TNKS: variants seen among roughly 807,000 people sequenced by gnomAD.
The protein encoded by TNKS is poly [ADP-ribose] polymerase tankyrase-1.
A neutral mutation model predicts 135.8 loss-of-function variants in TNKS; 72 were observed. That is an observed-to-expected ratio of 0.53 (90% confidence interval 0.44 to 0.64). TNKS has a LOEUF of 0.64. Among genes scored for constraint, TNKS ranks in the 30% least tolerant of loss-of-function variants. The pLI is 0.00. For synonymous variants in TNKS, 849 were observed against 649.3 expected, an observed-to-expected ratio of 1.31 and a Z score of -4.68; for missense variants, 1,769 against 1,674.0, an observed-to-expected ratio of 1.06 and a Z score of -0.99.
Position 9,657,930 on chromosome 8 carries a change from G to A in TNKS, c.995-22021G>A, listed in dbSNP as rs1255608547. ...GGTCTCCTCACTTCTCAGACGGGGC[G>A]GCCGGGCAGAGACGCTCCTCACCTC... is the stretch of plus-strand genomic sequence containing the variant. On this transcript the variant is annotated intron_variant, in intron 3 of 26. Transcript: ENST00000310430. 6.0e-3 allele frequency among the ~76,000 whole-genome samples: 472 copies of A among 79,206 alleles called. 3 individuals carry two copies. The highest frequency in any genetic ancestry group is 0.022 in the African/African-American group (425 of 19,262). The allele number at this position is 79,206 out of a possible 152,430, so 52.0% of individuals were successfully genotyped here. A position where few individuals can be genotyped will look rare whatever the true frequency, so the allele number is the denominator to read the frequency against.
chr8:9,578,786 A>G lies in TNKS; in HGVS notation c.674-1373A>G, dbSNP rs1798053444. Among the ~76,000 whole-genome samples, 3 of 152,322 alleles carry G rather than the reference A, an allele frequency of 2.0e-5. No individual in the cohort carries two copies. The South Asian group carries it at 6.2e-4, about 32-fold the overall frequency. ...TTACACAATAATAGTAGAGGTAGTG[A>G]TACCTAGTTAATAAGACCTAATACA... On this transcript the variant is annotated intron_variant, in intron 1 of 26. Coordinates refer to ENST00000310430, the MANE Select transcript of TNKS (RefSeq NM_003747.3).
At chr8:9,562,481 A>T (rs998594629) in intron 1 of TNKS, among the ~76,000 whole-genome samples, 2 of 152,208 alleles carry the variant, frequency 1.3e-5, no homozygotes, top group Non-Finnish European at 2.9e-5. Context: ...AGATGTGACT[A>T]TATCCACTTC....
intron 3 of TNKS, among the ~76,000 whole-genome samples, chr8:9,675,798 G>C (rs1223456744): frequency 5.3e-5 from 8 of 152,074 alleles, no homozygotes; most frequent in Non-Finnish European, 8.8e-5. Flanking sequence ...ACAGATAATG[G>C]ATAATACTTA....
intron 3 of TNKS, chr8:9,671,348 C>G (rs1389382624): frequency 6.6e-6 from 1 of 152,124 alleles, no homozygotes; most frequent in African/African-American, 2.4e-5. Context: ...CATTTGGTAA[C>G]AACCCAAATG....
At chr8:9,646,886 G>A (rs1439882214) in intron 3 of TNKS, among the ~76,000 whole-genome samples, 2 of 152,078 alleles carry the variant, frequency 1.3e-5, no homozygotes, top group Admixed American at 1.3e-4. Context: ...AGTATTTGAA[G>A]AGCACTATTA....
At chr8:9,761,777 T>C (rs899839619) in intron 21 of TNKS, 141 bp downstream of exon 21, 43 of 862,018 alleles carry the variant, frequency 5.0e-5, no homozygotes, top group Non-Finnish European at 6.6e-5. Context: ...CCATCTCAGT[T>C]ATTGGCCTCA....
chr8:9,761,317 A>G (rs1028746339), intron 20 of TNKS, among the ~76,000 whole-genome samples, 199 bp from the exon 21 acceptor site: 3 of 152,242 alleles, frequency 2.0e-5, no homozygotes, highest in Admixed American at 2.0e-4. Flanking sequence ...AAAGCAAATC[A>G]AAGAGTACTT....
At position 9,642,094 on chromosome 8, in the gene TNKS, C is replaced by A. The variant is rs998632050; in HGVS notation, c.994+26417C>A. Among the ~76,000 whole-genome samples, 34 of 145,538 alleles carry A rather than the reference C, an allele frequency of 2.3e-4. 6 individuals are homozygous for A. Among genetic ancestry groups the A allele is most frequent in the Admixed American group, 1.5e-3 (20 of 13,788 alleles). ...GTTTATCAAGATGAGAAAACTTTAG[C>A]GTCTAAAGAATCTGAAAATAGCCTG... On this transcript the variant is annotated intron_variant, in intron 3 of 26. Transcript: ENST00000310430.
At chr8:9,683,167 T>G (rs1802854328) in intron 5 of TNKS, among the ~76,000 whole-genome samples, 1 of 152,026 alleles carries the variant, frequency 6.6e-6, no homozygotes, top group South Asian at 2.1e-4. Context: ...AATGTACCAG[T>G]TGCAGTAAAG....
chr8:9,775,568 G>T (rs1479207741), intron 26 of TNKS, among the ~76,000 whole-genome samples: 3 of 145,038 alleles, frequency 2.1e-5, no homozygotes, highest in African/African-American at 7.5e-5. Flanking sequence ...GAGCTTTTAG[G>T]AGGGAGTACT....
At chr8:9,585,464 T>C (rs1798339214) in intron 2 of TNKS, among the ~76,000 whole-genome samples, 1 of 151,930 alleles carries the variant, frequency 6.6e-6, no homozygotes, top group Non-Finnish European at 1.5e-5. Context: ...ATGAGATTGA[T>C]GAGAAAAGAT....
chr8:9,772,326 A>C (rs183465053), intron 26 of TNKS: 2 of 450,644 alleles, frequency 4.4e-6, no homozygotes, highest in Non-Finnish European at 8.9e-6. Context: ...ATCAAAATCA[A>C]CATCACCAAT....
rs190573372 is a variant in TNKS, at chr8:9,692,470, C to T, written c.1107+11670C>T. Among the ~76,000 whole-genome samples the T allele has an allele frequency of 6.6e-5, 10 of 152,328 alleles. No individual in the cohort carries two copies. In the East Asian group the frequency reaches 1.7e-3, roughly 26 times the overall value. ...GAATTAAAGACATTAATATGTTAAA[C>T]AGCCTTAGGTTTTAGGAGTAGTATC... On this transcript the variant is annotated intron_variant, in intron 5 of 26. Transcript: ENST00000310430.
chr8:9,598,144 C>G (rs868313386), intron 2 of TNKS, among the ~76,000 whole-genome samples: 6 of 152,210 alleles, frequency 3.9e-5, no homozygotes, highest in African/African-American at 1.4e-4. Flanking sequence ...CTCCAGGGTT[C>G]ACGCCATTCT....
chr8:9,760,229 T>G (rs1226119715), intron 20 of TNKS, among the ~76,000 whole-genome samples: 1 of 152,200 alleles, frequency 6.6e-6, no homozygotes, highest in Non-Finnish European at 1.5e-5. Flanking sequence ...GTTTGTTGTT[T>G]TGTTTTGTTT....
intron 3 of TNKS, among the ~76,000 whole-genome samples, chr8:9,657,278 G>A (rs1353785527): frequency 9.5e-6 from 1 of 105,326 alleles, no homozygotes; most frequent in East Asian, 2.6e-4. Flanking sequence ...TCCCGGACGG[G>A]GCGGCTGGCC....
chr8:9,760,304 A>G (rs1481789018), intron 20 of TNKS, among the ~76,000 whole-genome samples: 1 of 152,188 alleles, frequency 6.6e-6, no homozygotes, highest in East Asian at 1.9e-4. Flanking sequence ...CGCTTTGTGC[A>G]ATGAAGCAAT....
intron 26 of TNKS, among the ~76,000 whole-genome samples, chr8:9,775,893 A>T (rs1808203088): frequency 6.6e-6 from 1 of 151,956 alleles, no homozygotes; most frequent in African/African-American, 2.4e-5. Flanking sequence ...ATTCCTATGT[A>T]GTCTACTCAC....
At chr8:9,568,624 C>A (rs1585177152) in intron 1 of TNKS, among the ~76,000 whole-genome samples, 1 of 152,264 alleles carries the variant, frequency 6.6e-6, no homozygotes, top group East Asian at 1.9e-4. Flanking sequence ...TTACACTTTG[C>A]AAGTCACTTT....
Sources: gnomAD v4.1 joint callset for allele counts (sites outside exome capture counted in the v4.1 genomes callset) on GRCh38, gnomAD v4.1.1 for gene constraint, MANE v1.5 for transcripts, NCBI Gene and HGNC (gene_info 2026-07-23, HGNC 2026-07-21) for gene names.